Variants in ZNF695 observed in about 807,000 individuals in gnomAD.
The protein encoded by ZNF695 is zinc finger protein 695.
In ZNF695, 11 loss-of-function variants were observed where a neutral mutation model predicts 11.2. The ratio of observed to expected loss-of-function variants is 0.98; its 90% CI spans 0.62 to 1.62. ZNF695 has a LOEUF of 1.62. Among genes scored for constraint, ZNF695 ranks in the 40% most tolerant of loss-of-function variants. The pLI, the probability that ZNF695 is intolerant of heterozygous loss-of-function variation, is 0.00. For synonymous variants in ZNF695, 190 were observed against 201.4 expected, an observed-to-expected ratio of 0.94 and a Z score of 0.48; for missense variants, 559 against 590.5, an observed-to-expected ratio of 0.95 and a Z score of 0.55.
intron 4 of ZNF695, chr1:246,968,974 C>G (rs1055323627): frequency 6.6e-6 from 1 of 152,244 alleles, no homozygotes; most frequent in Admixed American, 6.5e-5. Context: ...GGGGCTGCCA[C>G]GAAAGTCTCT....
intron 4 of ZNF695, chr1:246,980,066 C>T (rs1288085242): frequency 2.0e-5 from 3 of 150,684 alleles, no homozygotes; most frequent in African/African-American, 7.3e-5. Flanking sequence ...GTAGTCCCAG[C>T]TACTCAGGAG....
chr1:246,981,344 G>C (rs1316367319), downstream of ZNF695, among the ~76,000 whole-genome samples: 1 of 152,036 alleles, frequency 6.6e-6, no homozygotes, highest in African/African-American at 2.4e-5. Flanking sequence ...ATTCAAAATA[G>C]AACTACCATA....
intron 4 of ZNF695, among the ~76,000 whole-genome samples, chr1:246,971,665 T>C (rs1377736250): frequency 6.6e-6 from 1 of 152,218 alleles, no homozygotes; most frequent in South Asian, 2.1e-4. Context: ...TAGGTTATAC[T>C]GTAAAACAAA....
chr1:246,959,029 C>T (rs1464516517), intron 5 of ZNF695, among the ~76,000 whole-genome samples: 3 of 151,732 alleles, frequency 2.0e-5, no homozygotes, highest in African/African-American at 4.8e-5. Context: ...TGGCTCACAC[C>T]TGTAATCCCA....
chr1:246,970,682 C>G (rs558773106), intron 4 of ZNF695, among the ~76,000 whole-genome samples: 11 of 152,372 alleles, frequency 7.2e-5, no homozygotes, highest in African/African-American at 2.6e-4. Flanking sequence ...TCCTAACAGG[C>G]AGAGTGGAGA....
chr1:246,994,955 TC>T (rs1669156704), intron 3 of ZNF695, among the ~76,000 whole-genome samples: 1 of 152,238 alleles, frequency 6.6e-6, no homozygotes, highest in Admixed American at 6.5e-5. Flanking sequence ...CAAATGTATG[TC>T]TGTGTATTTA....
rs1295621963 is a variant in ZNF695, at chr1:246,986,728, T to G, written c.*239A>C. The G allele has an allele frequency of 5.8e-6, 7 of 1,205,314 alleles. No individual in the cohort carries two copies. In the African/African-American group the frequency reaches 9.4e-5, roughly 16 times the overall value. The allele number at this position is 1,205,314 out of a possible 1,614,324, so 74.7% of individuals were successfully genotyped here. The stretch of plus-strand genomic sequence containing the variant: ...AGTTTGAGCAACTGGAGGGTTTCCC[T>G]CCAGTATAAATTCTTCTGTGTACAG... On this transcript the variant is annotated 3_prime_UTR_variant, in exon 4 of 4. Transcript: ENST00000339986.
chr1:247,005,531 C>T (rs10737797), intron 1 of ZNF695, among the ~76,000 whole-genome samples: 91,243 of 151,796 alleles, frequency 0.6, 29,439 homozygotes, highest in East Asian at 0.98. Context: ...CTGGCCAACA[C>T]AGTGAAACCC....
chr1:246,987,690 T>TTTGCC lies in ZNF695; in HGVS notation c.820_824dup (p.Phe277LysfsTer93), dbSNP rs1202392677. 1 of 1,596,160 alleles carries TTTGCC rather than the reference T, an allele frequency of 6.3e-7. No individual in the cohort carries two copies. Among genetic ancestry groups the TTTGCC allele is most frequent in the African/African-American group, 1.4e-5 (1 of 73,978 alleles). ...TAAGAACTGAGCACAGGTTAAAAGC[T>TTTGCC]TTGCCACATTCTTCACATCTGTAGG... On this transcript the variant is annotated frameshift_variant, in exon 4 of 4. Transcript: ENST00000339986. LOFTEE classifies it low-confidence loss of function (END_TRUNC).
intron 4 of ZNF695, among the ~76,000 whole-genome samples, chr1:246,977,051 A>G (rs539545140): frequency 3.3e-5 from 5 of 152,322 alleles, no homozygotes; most frequent in South Asian, 2.1e-4. Context: ...CATATTTTCT[A>G]TCATTCCCAG....
At chr1:246,993,453 G>A (rs1669101507) in intron 3 of ZNF695, among the ~76,000 whole-genome samples, 1 of 151,934 alleles carries the variant, frequency 6.6e-6, no homozygotes, top group African/African-American at 2.4e-5. Flanking sequence ...CCATTCCAGA[G>A]AAGACATATC....
At chr1:246,951,312 C>T (rs921683130) in intron 5 of ZNF695, among the ~76,000 whole-genome samples, 2 of 152,134 alleles carry the variant, frequency 1.3e-5, no homozygotes, top group Non-Finnish European at 2.9e-5. Context: ...ATTAAGTCGT[C>T]ATGCTGGAAT....
chr1:247,007,788 G>T, intron 1 of ZNF695, 118 bp downstream of exon 1: 1 of 1,224,556 alleles, frequency 8.2e-7, no homozygotes, highest in African/African-American at 1.6e-5. Flanking sequence ...GGACTCGGCC[G>T]CACACTCCGG....
At chr1:246,973,626 C>T (rs541847004) in intron 4 of ZNF695, among the ~76,000 whole-genome samples, 49 of 152,274 alleles carry the variant, frequency 3.2e-4, no homozygotes, top group Middle Eastern at 3.4e-3. Context: ...AAGGATGATA[C>T]TCTTCTATGT....
At chr1:246,988,774 A>G (rs1668932504) in intron 3 of ZNF695, among the ~76,000 whole-genome samples, 1 of 152,146 alleles carries the variant, frequency 6.6e-6, no homozygotes, top group Admixed American at 6.5e-5. Flanking sequence ...TGACCAACAT[A>G]GAGAAATCCC....
intron 1 of ZNF695, among the ~76,000 whole-genome samples, chr1:247,006,615 G>A (rs1320326909): frequency 1.3e-5 from 2 of 152,108 alleles, no homozygotes; most frequent in South Asian, 2.1e-4. Context: ...GTGAGACTTC[G>A]TCTCAAAAAA....
intron 5 of ZNF695, among the ~76,000 whole-genome samples, chr1:246,952,497 A>C (rs982137985): frequency 4.6e-5 from 7 of 151,950 alleles, no homozygotes; most frequent in African/African-American, 1.7e-4. Flanking sequence ...GTATTCAATG[A>C]ATATTTGTTG....
intron 1 of ZNF695, among the ~76,000 whole-genome samples, chr1:247,003,984 G>A (rs1222178982): frequency 1.3e-5 from 2 of 152,208 alleles, no homozygotes; most frequent in African/African-American, 2.4e-5. Flanking sequence ...AGGCCAAGGC[G>A]GGCGGATCAC....
At chr1:246,948,062 C>T (rs1343183364) in intron 5 of ZNF695, among the ~76,000 whole-genome samples, 3 of 151,902 alleles carry the variant, frequency 2.0e-5, no homozygotes, top group East Asian at 1.9e-4. Flanking sequence ...TGAGTGACGT[C>T]GTTGACCTTT....
Sources: allele counts gnomAD v4.1 joint callset (sites outside exome capture counted in the v4.1 genomes callset), GRCh38; gene constraint gnomAD v4.1.1; transcripts MANE v1.5; gene names NCBI Gene and HGNC (gene_info 2026-07-23, HGNC 2026-07-21).